Variants in RBM47 observed in about 807,000 individuals in gnomAD.
The protein encoded by RBM47 is RNA-binding protein 47.
A neutral mutation model predicts 47.1 loss-of-function variants in RBM47; 21 were observed. The ratio of observed to expected loss-of-function variants is 0.45; its 90% CI spans 0.32 to 0.64. RBM47 has a LOEUF of 0.64. Among genes scored for constraint, RBM47 ranks in the 30% least tolerant of loss-of-function variants. The pLI, the probability that RBM47 is intolerant of heterozygous loss-of-function variation, is 0.05. For synonymous variants in RBM47, 375 were observed against 361.7 expected, an observed-to-expected ratio of 1.04 and a Z score of -0.42; for missense variants, 708 against 870.9, an observed-to-expected ratio of 0.81 and a Z score of 2.35.
At chr4:40,598,984 G>A (rs956885571) in intron 1 of RBM47, among the ~76,000 whole-genome samples, 7 of 152,066 alleles carry the variant, frequency 4.6e-5, no homozygotes, top group African/African-American at 1.7e-4. Context: ...GCCAGGCATA[G>A]TGGCTCATAC....
chr4:40,451,991 A>G (rs557073462), intron 3 of RBM47, among the ~76,000 whole-genome samples: 3 of 152,200 alleles, frequency 2.0e-5, no homozygotes, highest in African/African-American at 7.2e-5. Context: ...CCAACATGGC[A>G]AAACCCTGTC....
chr4:40,579,749 ATTTTT>A (rs60806221), intron 1 of RBM47, among the ~76,000 whole-genome samples: 1 of 145,836 alleles, frequency 6.9e-6, no homozygotes. Context: ...CTTTAGGGTA[ATTTTT>A]TTTTTTTTTT....
intron 3 of RBM47, among the ~76,000 whole-genome samples, chr4:40,448,910 C>G (rs963287208): frequency 3.3e-5 from 5 of 151,676 alleles, no homozygotes; most frequent in Non-Finnish European, 5.9e-5. Context: ...TTGCCCCAAA[C>G]TTGGGGTGAA....
chr4:40,540,595 C>T (rs894649798), intron 2 of RBM47, among the ~76,000 whole-genome samples: 25 of 148,040 alleles, frequency 1.7e-4, no homozygotes, highest in African/African-American at 5.0e-4. Flanking sequence ...GTCAAGATCA[C>T]GCCATTGACT....
intron 5 of RBM47, among the ~76,000 whole-genome samples, chr4:40,434,354 G>C (rs1267508165): frequency 6.6e-6 from 1 of 152,092 alleles, no homozygotes; most frequent in African/African-American, 2.4e-5. Context: ...AATCGATGGG[G>C]CCCAGAGAGG....
intron 2 of RBM47, among the ~76,000 whole-genome samples, chr4:40,528,245 T>C (rs1726952327): frequency 6.6e-6 from 1 of 152,156 alleles, no homozygotes; most frequent in African/African-American, 2.4e-5. Context: ...ACACCATCTC[T>C]ATTAAAAATA....
intron 2 of RBM47, among the ~76,000 whole-genome samples, chr4:40,479,802 T>C (rs1720125769): frequency 6.6e-6 from 1 of 151,552 alleles, no homozygotes; most frequent in African/African-American, 2.4e-5. Context: ...TGCCCAGAGG[T>C]ACAACTGTTT....
At chr4:40,604,578 G>A (rs13119878) in intron 1 of RBM47, among the ~76,000 whole-genome samples, 56,551 of 151,750 alleles carry the variant, frequency 0.37, 11,031 homozygotes, top group African/African-American at 0.42. Flanking sequence ...AGTGAGTGGT[G>A]ATTGTGCCAC....
intron 1 of RBM47, among the ~76,000 whole-genome samples, chr4:40,602,039 G>A (rs1285097674): frequency 4.6e-5 from 7 of 151,894 alleles, no homozygotes; most frequent in East Asian, 1.9e-4. Context: ...TGTGGTGGTC[G>A]GCACCTGTAA....
intron 1 of RBM47, among the ~76,000 whole-genome samples, chr4:40,612,298 G>A (rs923373179): frequency 4.0e-4 from 61 of 152,310 alleles, no homozygotes; most frequent in African/African-American, 1.4e-3. Context: ...TTGGAAGGCC[G>A]ATGTGGGCAG....
intron 3 of RBM47, among the ~76,000 whole-genome samples, chr4:40,459,392 G>C (rs1040951254): frequency 6.6e-6 from 1 of 151,934 alleles, no homozygotes; most frequent in East Asian, 1.9e-4. Context: ...TTTTTTTCAC[G>C]TATCTATTTA....
intron 2 of RBM47, among the ~76,000 whole-genome samples, chr4:40,470,617 C>G (rs778933434): frequency 1.3e-5 from 2 of 152,116 alleles, no homozygotes; most frequent in African/African-American, 4.8e-5. Context: ...AAAAGATGCT[C>G]CAGTCTAATA....
chr4:40,494,927 A>C (rs1722372522), intron 2 of RBM47, among the ~76,000 whole-genome samples: 1 of 152,186 alleles, frequency 6.6e-6, no homozygotes, highest in African/African-American at 2.4e-5. Context: ...GTATAAATAT[A>C]ATCTGATGCA....
At chr4:40,481,400 G>A (rs969721133) in intron 2 of RBM47, among the ~76,000 whole-genome samples, 1 of 148,828 alleles carries the variant, frequency 6.7e-6, no homozygotes, top group Non-Finnish European at 1.5e-5. Flanking sequence ...AGCCTCCAGA[G>A]TAGCTGGGAC....
chr4:40,556,784 G>T (rs1270253300), intron 1 of RBM47, among the ~76,000 whole-genome samples: 2 of 152,022 alleles, frequency 1.3e-5, no homozygotes, highest in Non-Finnish European at 2.9e-5. Flanking sequence ...CAGCTACTTG[G>T]GAGACTGAGG....
intron 2 of RBM47, among the ~76,000 whole-genome samples, chr4:40,498,515 TAAA>T (rs1722938421): frequency 6.6e-6 from 1 of 151,780 alleles, no homozygotes. Flanking sequence ...CCGTCTCTAC[TAAA>T]AAGACAAAAA....
At chr4:40,548,618 G>A (rs570820004) in intron 1 of RBM47, among the ~76,000 whole-genome samples, 3 of 152,344 alleles carry the variant, frequency 2.0e-5, no homozygotes, top group South Asian at 4.1e-4. Context: ...CACTGCCCAA[G>A]GGCATTATGT....
In RBM47 at chr4:40,539,739, C is replaced by CAAAA. The variant is rs56005602; in HGVS notation, c.-155+4679_-155+4682dup. Among the ~76,000 whole-genome samples, 15 of 56,332 alleles carry CAAAA rather than the reference C, an allele frequency of 2.7e-4. 2 individuals are homozygous for CAAAA. The highest frequency in any genetic ancestry group is 9.0e-4 in the African/African-American group (13 of 14,480). 37.0% of individuals were successfully genotyped at this position (56,332 alleles called of 152,430 possible). A position where few individuals can be genotyped will look rare whatever the true frequency, so the allele number is the denominator to read the frequency against. On this transcript the variant is annotated intron_variant, in intron 2 of 6. Transcript: ENST00000295971. ...TGGGCGACAGAGCAAGACTCTGTCT[C>CAAAA]AAAAAAAAAAAAAAAAAAAAAAAAA...
chr4:40,438,082 G>C lies in RBM47; in HGVS notation c.812C>G (p.Pro271Arg), dbSNP rs781752324. 1 of 1,613,714 alleles carries C rather than the reference G, an allele frequency of 6.2e-7. No individual in the cohort carries two copies. Among genetic ancestry groups the C allele is most frequent in the Non-Finnish European group, 8.5e-7 (1 of 1,180,016 alleles). Residue 271 changes from proline (P) to arginine (R), a missense_variant, in exon 4 of 7, where the codon CCC (proline) becomes CGC (arginine). By Grantham distance (103) the Pro-to-Arg change is moderately radical. Coordinates refer to ENST00000295971, the MANE Select transcript of RBM47 (RefSeq NM_001098634.2). ...TIKKSFGQFN[P>R]GCVERVKKIR... The stretch of plus-strand genomic sequence containing the variant: ...CTTCTTGACGCGCTCCACGCAGCCG[G>C]GGTTGAACTGGCCGAAGCTCTTCTT...
Sources: gnomAD v4.1 joint callset for allele counts (sites outside exome capture counted in the v4.1 genomes callset) on GRCh38, gnomAD v4.1.1 for gene constraint, MANE v1.5 for transcripts, NCBI Gene and HGNC (gene_info 2026-07-23, HGNC 2026-07-21) for gene names.